Variants in VANGL1 observed in about 807,000 individuals in gnomAD.
VANGL1 encodes vang-like protein 1.
A neutral mutation model predicts 48.4 loss-of-function variants in VANGL1; 18 were observed. The observed-to-expected ratio is 0.37, with a 90% CI of 0.26 to 0.55. VANGL1 has a LOEUF of 0.55. VANGL1 is among the 20% of genes least tolerant of loss of function. The pLI, the probability that VANGL1 is intolerant of heterozygous loss-of-function variation, is 0.81. For missense variants in VANGL1, 667 were observed against 675.8 expected, an observed-to-expected ratio of 0.99 and a Z score of 0.14; for synonymous variants, 257 against 261.8, an observed-to-expected ratio of 0.98 and a Z score of 0.18.
At chr1:115,681,512 G>GT (rs71096825) in intron 4 of VANGL1, among the ~76,000 whole-genome samples, 1,991 of 135,086 alleles carry the variant, frequency 0.015, 47 homozygotes, top group Non-Finnish European at 0.022. Context: ...TGTTTTTTTT[G>GT]TTTTTTTTTT....
intron 4 of VANGL1, among the ~76,000 whole-genome samples, chr1:115,669,457 C>A (rs1652897851): frequency 6.6e-6 from 1 of 152,212 alleles, no homozygotes; most frequent in African/African-American, 2.4e-5. Context: ...CAAATCTCAT[C>A]TTGAATTATA....
chr1:115,642,548 T>TTCCCACCCCTGGCGGGGC (rs1366830682), intron 1 of VANGL1: 5 of 152,108 alleles, frequency 3.3e-5, no homozygotes, highest in Non-Finnish European at 5.9e-5. Context: ...CGCACCGGGG[T>TTCCCACCCCTGGCGGGGC]TCCCACCCCT....
chr1:115,682,775 G>A (rs570595846), intron 5 of VANGL1, among the ~76,000 whole-genome samples: 1 of 152,278 alleles, frequency 6.6e-6, no homozygotes, highest in South Asian at 2.1e-4. Flanking sequence ...ATCTTATATT[G>A]GAAGCTGTTA....
rs1395056099 is a variant in VANGL1, at chr1:115,642,063, G to T, written c.-161G>T. On this transcript the variant is annotated 5_prime_UTR_variant, in exon 1 of 8. Transcript: ENST00000355485. ...GCTGTGAGCCGAGACCGCGGGCCGC[G>T]GAGCTCGGGCGGCCGGCGCGGAGGT... 1 of 151,550 alleles carries T rather than the reference G, an allele frequency of 6.6e-6. No homozygotes were observed. Among genetic ancestry groups the T allele is most frequent in the East Asian group, 2.0e-4 (1 of 5,122 alleles). 9.4% of individuals were successfully genotyped at this position (151,550 alleles called of 1,614,324 possible). A position where few individuals can be genotyped will look rare whatever the true frequency, so the allele number is the denominator to read the frequency against.
intron 3 of VANGL1, among the ~76,000 whole-genome samples, chr1:115,663,262 G>A (rs1200395294): frequency 1.3e-5 from 2 of 152,226 alleles, no homozygotes; most frequent in Non-Finnish European, 2.9e-5. Context: ...TTGGAAAGAA[G>A]ATGCAGGAGG....
At position 115,697,272 on chromosome 1, in the gene VANGL1, T is replaced by A. The variant is rs1197484084; in HGVS notation, c.*5893T>A. 2.0e-5 allele frequency: 3 copies of A among 152,234 alleles called. No homozygotes were observed. Among genetic ancestry groups the A allele is most frequent in the Non-Finnish European group, 4.4e-5 (3 of 68,040 alleles). The allele number at this position is 152,234 out of a possible 1,614,324, so 9.4% of individuals were successfully genotyped here. ...GGGGCCTTGTAGAAAGATGAAACAGTTGTTTTTCATTTACCAGCACCTCTC... is the reference window on the plus strand; with the variant it reads ...GGGGCCTTGTAGAAAGATGAAACAGATGTTTTTCATTTACCAGCACCTCTC... On this transcript the variant is annotated 3_prime_UTR_variant, in exon 8 of 8. Transcript: ENST00000355485.
chr1:115,683,838 C>T lies in VANGL1; in HGVS notation c.947-106C>T, dbSNP rs12144356. The T allele has an allele frequency of 0.67, 949,084 of 1,414,126 alleles. 317,527 individuals carry two copies. The highest frequency in any genetic ancestry group is 0.74 in the South Asian group (63,348 of 85,572). 87.6% of individuals were successfully genotyped at this position (1,414,126 alleles called of 1,614,324 possible). A position where few individuals can be genotyped will look rare whatever the true frequency, so the allele number is the denominator to read the frequency against. ...CCTTTAGGATTTGTGTGTGTGTGTTCCATAGGGGGTGGGTAGACAACACTG... is the reference window on the plus strand; with the variant it reads ...CCTTTAGGATTTGTGTGTGTGTGTTTCATAGGGGGTGGGTAGACAACACTG... On this transcript the variant is annotated intron_variant, in intron 5 of 7. Transcript: ENST00000355485.
At chr1:115,665,612 C>A (rs1023403432) in intron 4 of VANGL1, among the ~76,000 whole-genome samples, 1 of 152,158 alleles carries the variant, frequency 6.6e-6, no homozygotes, top group African/African-American at 2.4e-5. Context: ...GCTACGAGAA[C>A]GGGATGATCT....
intron 2 of VANGL1, among the ~76,000 whole-genome samples, chr1:115,653,619 G>T (rs977378353): frequency 6.6e-6 from 1 of 152,064 alleles, no homozygotes; most frequent in Non-Finnish European, 1.5e-5. Flanking sequence ...TCACGCTTCG[G>T]GGCCCATTGC....
In VANGL1 at chr1:115,689,752, T is replaced by C. The variant is rs1157898632; in HGVS notation, c.1315-1367T>C. Among the ~76,000 whole-genome samples, 2 of 137,492 alleles carry C rather than the reference T, an allele frequency of 1.5e-5. 1 individual carries two copies. Among genetic ancestry groups the C allele is most frequent in the African/African-American group, 5.5e-5 (2 of 36,336 alleles). The allele number at this position is 137,492 out of a possible 152,430, so 90.2% of individuals were successfully genotyped here. On this transcript the variant is annotated intron_variant, in intron 7 of 7. Transcript: ENST00000355485. ...AGGCAGATCACTAATGGCCAGGAGTTCAAGACCAGCCTGGCCAACATGGTG... is the reference window on the plus strand; with the variant it reads ...AGGCAGATCACTAATGGCCAGGAGTCCAAGACCAGCCTGGCCAACATGGTG...
intron 7 of VANGL1, among the ~76,000 whole-genome samples, chr1:115,686,272 G>A (rs1340908212): frequency 6.8e-6 from 1 of 146,972 alleles, no homozygotes; most frequent in African/African-American, 2.5e-5. Context: ...CTATTTATTG[G>A]TAAAAAATAG....
In VANGL1 at chr1:115,685,409, C is replaced by G; in HGVS notation, c.1196C>G (p.Pro399Arg). 1 of 1,614,168 alleles carries G rather than the reference C, an allele frequency of 6.2e-7. No homozygotes were observed. Among genetic ancestry groups the G allele is most frequent in the Non-Finnish European group, 8.5e-7 (1 of 1,180,016 alleles). Residue 399 changes from proline (P) to arginine (R), a missense_variant, in exon 7 of 8, where the codon CCC becomes CGC. Physicochemically the swap from Pro to Arg is moderately radical, Grantham distance 103. Transcript: ENST00000355485. ...DPREAAQAIF[P>R]SMARALQKYL... is the part of the protein sequence containing the mutation. Reference sequence around the variant, plus strand: ...AGGGAGGCCGCCCAGGCCATTTTCCCCTCCATGGCCAGGGCTCTCCAGAAG... The same window carrying G: ...AGGGAGGCCGCCCAGGCCATTTTCCGCTCCATGGCCAGGGCTCTCCAGAAG...
At chr1:115,646,642 C>G (rs1356951038) in intron 1 of VANGL1, among the ~76,000 whole-genome samples, 1 of 151,952 alleles carries the variant, frequency 6.6e-6, no homozygotes, top group Non-Finnish European at 1.5e-5. Context: ...GTCCTAAGAT[C>G]TGCCACAAAA....
chr1:115,644,494 G>A (rs1651842529), intron 1 of VANGL1, among the ~76,000 whole-genome samples: 1 of 152,160 alleles, frequency 6.6e-6, no homozygotes, highest in African/African-American at 2.4e-5. Flanking sequence ...CTTGTGATTG[G>A]ACCATGTTTC....
intron 1 of VANGL1, among the ~76,000 whole-genome samples, chr1:115,648,116 C>T (rs966523753): frequency 6.6e-6 from 1 of 152,158 alleles, no homozygotes; most frequent in Non-Finnish European, 1.5e-5. Context: ...AAATTGGAGG[C>T]TAGCCAGCTG....
intron 5 of VANGL1, among the ~76,000 whole-genome samples, chr1:115,683,242 G>A (rs1345003036): frequency 6.6e-6 from 1 of 152,196 alleles, no homozygotes. Flanking sequence ...TAAAAACTTA[G>A]GAAAGATTCC....
chr1:115,660,694 T>A (rs983247421), intron 3 of VANGL1, among the ~76,000 whole-genome samples: 1 of 152,172 alleles, frequency 6.6e-6, no homozygotes, highest in Non-Finnish European at 1.5e-5. Context: ...GCTGTAAAGA[T>A]AGATATAGGA....
intron 4 of VANGL1, among the ~76,000 whole-genome samples, chr1:115,674,868 A>G (rs1248436833): frequency 6.6e-6 from 1 of 152,180 alleles, no homozygotes; most frequent in Non-Finnish European, 1.5e-5. Flanking sequence ...ATGTAAGAAT[A>G]CAAGTTTGAT....
intron 1 of VANGL1, among the ~76,000 whole-genome samples, chr1:115,648,282 C>T (rs1377018034): frequency 6.6e-6 from 1 of 152,108 alleles, no homozygotes; most frequent in Non-Finnish European, 1.5e-5. Context: ...TGTTACTTGG[C>T]TCATAGCAAT....
Sources: allele counts gnomAD v4.1 joint callset (sites outside exome capture counted in the v4.1 genomes callset), GRCh38; gene constraint gnomAD v4.1.1; transcripts MANE v1.5; gene names NCBI Gene and HGNC (gene_info 2026-07-23, HGNC 2026-07-21).